ADAMTS20: variants seen among roughly 807,000 people sequenced by gnomAD.
The protein encoded by ADAMTS20 is ADAM metallopeptidase with thrombospondin type 1 motif 20, also known as A disintegrin and metalloproteinase with thrombospondin motifs 20.
Under a neutral mutation model 260.1 loss-of-function variants are expected in ADAMTS20, and 225 were observed. That is an observed-to-expected ratio of 0.87 (90% CI 0.78 to 0.97). The LOEUF (loss-of-function observed/expected upper bound fraction) is 0.97. ADAMTS20 is among the 50% of genes least tolerant of loss of function. The pLI is 0.00. For missense variants in ADAMTS20, 2,400 were observed against 2,337.7 expected, an observed-to-expected ratio of 1.03 and a Z score of -0.55; for synonymous variants, 802 against 769.5, an observed-to-expected ratio of 1.04 and a Z score of -0.70.
In ADAMTS20 at chr12:43,354,060, T is replaced by C; in HGVS notation, c.*149A>G. 1 of 511,274 alleles carries C rather than the reference T, an allele frequency of 2.0e-6. No homozygotes were observed. The highest frequency in any genetic ancestry group is 3.2e-5 in the East Asian group (1 of 31,338). 31.7% of individuals were successfully genotyped at this position (511,274 alleles called of 1,614,324 possible). ...TTTATAGACCTTATTAAGCAGTGATTTGAATCCCTGATGAGCACCCTGAAA... is the reference window on the plus strand; with the variant it reads ...TTTATAGACCTTATTAAGCAGTGATCTGAATCCCTGATGAGCACCCTGAAA... On this transcript the variant is annotated 3_prime_UTR_variant, in exon 39 of 39. Coordinates refer to ENST00000389420, the MANE Select transcript of ADAMTS20 (RefSeq NM_025003.5).
intron 19 of ADAMTS20, 21 bp downstream of exon 19, chr12:43,434,224 T>C: frequency 6.4e-7 from 1 of 1,553,766 alleles, no homozygotes; most frequent in South Asian, 1.2e-5. Flanking sequence ...CTGGTTATAT[T>C]ACATATTATT....
In ADAMTS20 at chr12:43,432,742, A is replaced by G. The variant is rs140108581; in HGVS notation, c.2790T>C (p.His930=). 1.9e-5 allele frequency: 30 copies of G among 1,613,942 alleles called. No individual in the cohort carries two copies. In the South Asian group the frequency reaches 3.2e-4, roughly 17 times the overall value. The part of the protein sequence containing the change: ...CGQGYRTLDI[H]CMKYSIHEGQ... ...CTTCATGAATGGAATACTTCATGCA[A>G]TGGATGTCCAAGGTTCTATATCCTT... is the stretch of plus-strand genomic sequence containing the variant. Residue 930 remains histidine, a synonymous_variant, in exon 20 of 39, where the codon CAT becomes CAC. Transcript: ENST00000389420.
At chr12:43,548,432 G>C (rs1002047450) in intron 2 of ADAMTS20, among the ~76,000 whole-genome samples, 1 of 152,008 alleles carries the variant, frequency 6.6e-6, no homozygotes, top group Non-Finnish European at 1.5e-5. Context: ...TCCAGGTTTC[G>C]GATACTACAG....
At position 43,551,070 on chromosome 12, in the gene ADAMTS20, A is replaced by T. The variant is rs766684052; in HGVS notation, c.292T>A (p.Ser98Thr). Residue 98 changes from serine (S) to threonine (T), a missense_variant, in exon 2 of 39, where the codon TCC (serine) becomes ACC (threonine). Ser to Thr is a moderately conservative substitution (Grantham distance 58, BLOSUM62 1). Coordinates refer to ENST00000389420, the MANE Select transcript of ADAMTS20 (RefSeq NM_025003.5). This position sits in a 1 kb window ranked among gnomAD's most constrained non-coding sequence, Gnocchi z 4.6. Reference sequence around the variant, plus strand: ...TCGGTGTAGCCGGCGGCCAGAAAGGATGCATCGGCGGTCAGGTTCAGCTGG... The same window carrying T: ...TCGGTGTAGCCGGCGGCCAGAAAGGTTGCATCGGCGGTCAGGTTCAGCTGG... The part of the protein sequence containing the change: ...LFQLNLTADA[S>T]FLAAGYTEVH... 3.1e-6 allele frequency: 5 copies of T among 1,613,736 alleles called. No individual in the cohort carries two copies. Among genetic ancestry groups the T allele is most frequent in the Admixed American group, 1.7e-5 (1 of 60,012 alleles).
intron 14 of ADAMTS20, among the ~76,000 whole-genome samples, chr12:43,450,435 A>G (rs1941844196): frequency 6.6e-6 from 1 of 152,176 alleles, no homozygotes; most frequent in Admixed American, 6.6e-5. Context: ...GCATGCCTCT[A>G]TATGTTCAGA....
rs924559 is a variant in ADAMTS20, at chr12:43,383,681, G to A, written c.4674C>T (p.Cys1558=). The part of the protein sequence containing the change: ...ERKDSHQRME[C]TDNQIRQVNE... Reference sequence around the variant, plus strand: ...TCACTTGTCTGATTTGGTTATCTGTGCACTCCATTCGTTGATGTGAATCTT... The same window carrying A: ...TCACTTGTCTGATTTGGTTATCTGTACACTCCATTCGTTGATGTGAATCTT... Residue 1558 remains cysteine, a synonymous_variant, in exon 31 of 39, where the codon TGC becomes TGT. Coordinates refer to ENST00000389420, the MANE Select transcript of ADAMTS20 (RefSeq NM_025003.5). 9.4e-4 allele frequency: 1,520 copies of A among 1,613,890 alleles called. 18 individuals carry two copies. The African/African-American group carries it at 0.017, about 18-fold the overall frequency.
At position 43,446,725 on chromosome 12, in the gene ADAMTS20, A is replaced by G. The variant is rs375069002; in HGVS notation, c.2080-13T>C. On this transcript the variant is annotated splice_polypyrimidine_tract_variant and intron_variant, in intron 14 of 38. Coordinates refer to ENST00000389420, the MANE Select transcript of ADAMTS20 (RefSeq NM_025003.5). ...CACAACCAGCTGCCTTCAAGACACA[A>G]TTACAATCAATATTATAAGAATGAC... is the stretch of plus-strand genomic sequence containing the variant. The G allele has an allele frequency of 3.9e-5, 61 of 1,580,156 alleles. No individual in the cohort carries two copies. The highest frequency in any genetic ancestry group is 5.1e-5 in the Non-Finnish European group (59 of 1,149,950).
At chr12:43,375,570 C>T (rs973282041) in intron 35 of ADAMTS20, 58 bp from the exon 36 acceptor site, 78 of 1,577,328 alleles carry the variant, frequency 4.9e-5, no homozygotes, top group Non-Finnish European at 6.1e-5. Context: ...ATAATGTAGA[C>T]AAACTTTGGG....
At chr12:43,477,014 A>G (rs2137405425) in intron 7 of ADAMTS20, among the ~76,000 whole-genome samples, 1 of 150,728 alleles carries the variant, frequency 6.6e-6, no homozygotes, top group African/African-American at 2.4e-5. Flanking sequence ...AAAAAGTGTC[A>G]GACATGATAC....
At chr12:43,509,661 T>C (rs1592103401) in intron 3 of ADAMTS20, among the ~76,000 whole-genome samples, 1 of 152,108 alleles carries the variant, frequency 6.6e-6, no homozygotes. Flanking sequence ...GAATTAAGAA[T>C]GCTGGTTGCT....
At chr12:43,547,783 T>C (rs999024391) in intron 2 of ADAMTS20, among the ~76,000 whole-genome samples, 5 of 152,170 alleles carry the variant, frequency 3.3e-5, no homozygotes, top group Non-Finnish European at 7.4e-5. Context: ...CAGAGGGATA[T>C]ACAGCACTAG....
chr12:43,432,561 G>C (rs1941467305), intron 20 of ADAMTS20, 40 bp downstream of exon 20: 1 of 1,606,274 alleles, frequency 6.2e-7, no homozygotes, highest in Admixed American at 1.7e-5. Context: ...TAATTAGAAA[G>C]AAAGGGGCAA....
chr12:43,381,331 G>A (rs932876910), intron 31 of ADAMTS20, among the ~76,000 whole-genome samples: 28 of 151,948 alleles, frequency 1.8e-4, no homozygotes, highest in African/African-American at 6.5e-4. Flanking sequence ...GATACTTAAA[G>A]CCAAAGAACT....
intron 4 of ADAMTS20, among the ~76,000 whole-genome samples, chr12:43,500,025 T>C (rs1183282795): frequency 8.9e-6 from 1 of 111,732 alleles, no homozygotes; most frequent in Non-Finnish European, 1.8e-5. Flanking sequence ...CAACTTTCTT[T>C]CCTTATTGCT....
chr12:43,355,634 T>C (rs1447804493), intron 38 of ADAMTS20, among the ~76,000 whole-genome samples: 1 of 152,128 alleles, frequency 6.6e-6, no homozygotes, highest in Non-Finnish European at 1.5e-5. Context: ...CATTAGAGTA[T>C]ACCGGGGCTG....
intron 7 of ADAMTS20, among the ~76,000 whole-genome samples, chr12:43,484,624 CCAAT>C (rs1422024548): frequency 6.6e-6 from 1 of 151,776 alleles, no homozygotes; most frequent in Non-Finnish European, 1.5e-5. Flanking sequence ...TCAAATTAAC[CCAAT>C]CAGACAATTT....
intron 31 of ADAMTS20, among the ~76,000 whole-genome samples, chr12:43,381,618 C>CAAA (rs142351546): frequency 3.9e-5 from 4 of 102,698 alleles, no homozygotes; most frequent in Non-Finnish European, 7.7e-5. Context: ...CCCATCTCTA[C>CAAA]AAAAAAAAAA....
At chr12:43,374,887 C>A (rs1592033177) in intron 36 of ADAMTS20, among the ~76,000 whole-genome samples, 1 of 152,054 alleles carries the variant, frequency 6.6e-6, no homozygotes, top group East Asian at 1.9e-4. Flanking sequence ...TTAAGAGTCC[C>A]CAGCTGGGAG....
chr12:43,415,048 G>A (rs1039478049), intron 28 of ADAMTS20, among the ~76,000 whole-genome samples: 3 of 152,146 alleles, frequency 2.0e-5, no homozygotes, highest in African/African-American at 7.2e-5. Context: ...TACTAGGATT[G>A]CAATGGGAAA....
Sources: gnomAD v4.1 joint callset for allele counts (sites outside exome capture counted in the v4.1 genomes callset) on GRCh38, gnomAD v4.1.1 for gene constraint, Gnocchi (gnomAD v3.1) non-coding constraint, MANE v1.5 for transcripts, NCBI Gene and HGNC (gene_info 2026-07-23, HGNC 2026-07-21) for gene names.